Variants in FAM47E observed in about 807,000 individuals in gnomAD.
The protein encoded by FAM47E is family with sequence similarity 47 member E.
In FAM47E, 32 loss-of-function variants were observed where a neutral mutation model predicts 41.6. The observed-to-expected ratio is 0.77, with a 90% CI of 0.58 to 1.03. FAM47E has a LOEUF of 1.03. Among genes scored for constraint, FAM47E ranks in the 50% least tolerant of loss-of-function variants. The probability of loss-of-function intolerance (pLI) is 0.00; values close to 1 mark genes in which losing one functional copy is unlikely to be tolerated. For synonymous variants in FAM47E, 184 were observed against 188.7 expected (o/e 0.98, Z 0.20); for missense variants, 424 against 485.4 (o/e 0.87, Z 1.19).
chr4:76,263,959 GT>G, intron 3 of FAM47E, 116 bp downstream of exon 3: 1 of 1,423,572 alleles, frequency 7.0e-7, no homozygotes, highest in Non-Finnish European at 9.3e-7. Flanking sequence ...ATGTAACTAA[GT>G]TCCCAAGGAA....
At chr4:76,283,307 AGTGGTT>A in intron 7 of FAM47E, 68 bp from the exon 8 acceptor site, 1 of 781,182 alleles carries the variant, frequency 1.3e-6, no homozygotes, top group Non-Finnish European at 2.2e-6. Context: ...TAGATATGGT[AGTGGTT>A]GTGGGGAGGA....
At chr4:76,249,899 C>T (rs1211857269), upstream of FAM47E, among the ~76,000 whole-genome samples, 5 of 152,006 alleles carry the variant, frequency 3.3e-5, no homozygotes, top group Non-Finnish European at 5.9e-5. Context: ...GAATGTTATT[C>T]CATTATATAT....
intron 2 of FAM47E, among the ~76,000 whole-genome samples, chr4:76,243,813 T>C (rs986753141): frequency 6.6e-6 from 1 of 152,192 alleles, no homozygotes; most frequent in Non-Finnish European, 1.5e-5. Flanking sequence ...TACATAGGTA[T>C]ACATGTGCCA....
intron 3 of FAM47E, among the ~76,000 whole-genome samples, chr4:76,264,929 A>T (rs1734570399): frequency 6.6e-6 from 1 of 152,278 alleles, no homozygotes; most frequent in East Asian, 1.9e-4. Context: ...GACCTCACTG[A>T]TGGGTGCTGA....
intron 3 of FAM47E, 24 bp downstream of exon 3, chr4:76,263,867 G>A (rs1176368584): frequency 4.5e-6 from 7 of 1,547,364 alleles, no homozygotes; most frequent in African/African-American, 1.4e-5. Context: ...TTAACCCTTC[G>A]ATCATTGCTG....
At chr4:76,264,726 A>G (rs28649105) in intron 3 of FAM47E, among the ~76,000 whole-genome samples, 30,704 of 151,862 alleles carry the variant, frequency 0.2, 3,236 homozygotes, top group Middle Eastern at 0.3. Flanking sequence ...CTCCCATGTA[A>G]CTGGGACTGT....
At chr4:76,263,188 A>G (rs1285943375) in intron 2 of FAM47E, among the ~76,000 whole-genome samples, 4 of 152,190 alleles carry the variant, frequency 2.6e-5, no homozygotes, top group African/African-American at 9.6e-5. Flanking sequence ...GCGTTTATAC[A>G]TATCACTTTT....
At chr4:76,262,944 T>C (rs945097201) in intron 2 of FAM47E, among the ~76,000 whole-genome samples, 2 of 152,152 alleles carry the variant, frequency 1.3e-5, no homozygotes, top group Non-Finnish European at 2.9e-5. Context: ...AAAAATTTTT[T>C]AAATAGAAAC....
In FAM47E at chr4:76,271,561, C is replaced by T. The variant is rs1560750223; in HGVS notation, c.670-7C>T. The T allele has an allele frequency of 1.9e-6, 3 of 1,551,878 alleles. No homozygotes were observed. The highest frequency in any genetic ancestry group is 4.9e-5 in the East Asian group (2 of 40,928). On this transcript the variant is annotated splice_region_variant and splice_polypyrimidine_tract_variant and intron_variant, in intron 4 of 7. Transcript: ENST00000424749. ...CCCTCAATTCATGCAATGTGATATTCTTCCAGGGAATTTCGGACATCGATG... is the reference window on the plus strand; with the variant it reads ...CCCTCAATTCATGCAATGTGATATTTTTCCAGGGAATTTCGGACATCGATG...
At chr4:76,268,946 T>C (rs1324967489) in intron 4 of FAM47E, 178 bp downstream of exon 4, 2 of 705,906 alleles carry the variant, frequency 2.8e-6, no homozygotes, top group Non-Finnish European at 4.2e-6. Context: ...CTATTATGTA[T>C]AAATAGAAAT....
intron 1 of FAM47E, among the ~76,000 whole-genome samples, chr4:76,216,903 T>C (rs527995199): frequency 6.6e-6 from 1 of 152,330 alleles, no homozygotes; most frequent in South Asian, 2.1e-4. Context: ...CAGTCTGTGA[T>C]CCCACAGTAA....
At chr4:76,275,500 T>A (rs1735058140) in intron 5 of FAM47E, among the ~76,000 whole-genome samples, 1 of 152,210 alleles carries the variant, frequency 6.6e-6, no homozygotes, top group Non-Finnish European at 1.5e-5. Context: ...CCGACCACTA[T>A]GTGTCCAAAA....
chr4:76,252,273 A>G (rs1734000444), intron 1 of FAM47E, among the ~76,000 whole-genome samples: 1 of 152,064 alleles, frequency 6.6e-6, no homozygotes, highest in Non-Finnish European at 1.5e-5. Context: ...AGTGGAGCCC[A>G]GGGTTGGGGG....
At chr4:76,221,776 G>T (rs1733312719) in intron 2 of FAM47E, among the ~76,000 whole-genome samples, 1 of 152,214 alleles carries the variant, frequency 6.6e-6, no homozygotes, top group Admixed American at 6.5e-5. Flanking sequence ...TGGGTGAGGA[G>T]TATAGGTTGA....
chr4:76,242,426 C>T (rs139152038), intron 2 of FAM47E, among the ~76,000 whole-genome samples: 1 of 152,172 alleles, frequency 6.6e-6, no homozygotes, highest in Non-Finnish European at 1.5e-5. Flanking sequence ...GAAGTAGTTG[C>T]CATTACCATG....
At chr4:76,275,019 A>G (rs1158057945) in intron 5 of FAM47E, among the ~76,000 whole-genome samples, 3 of 152,156 alleles carry the variant, frequency 2.0e-5, no homozygotes, top group Admixed American at 6.5e-5. Flanking sequence ...AAGGATCACT[A>G]TCCTTGGTTA....
rs77362922 is a variant in FAM47E at position 76,255,691 on chromosome 4, C to T, written c.75-487C>T. Among the ~76,000 whole-genome samples, 63 of 152,144 alleles carry T rather than the reference C, an allele frequency of 4.1e-4. 1 individual carries two copies. In the South Asian group the frequency reaches 0.012, roughly 29 times the overall value. ...AACAACTTGAGTGTCCTTCACAAAG[C>T]GAATGGAGAGATGAAATGTGGTGGC... On this transcript the variant is annotated intron_variant, in intron 1 of 7. Transcript: ENST00000424749.
intron 2 of FAM47E, among the ~76,000 whole-genome samples, chr4:76,239,941 T>G (rs1043482397): frequency 6.6e-6 from 1 of 152,316 alleles, no homozygotes; most frequent in East Asian, 1.9e-4. Flanking sequence ...TGTATTCTTT[T>G]GTATGTGGCA....
intron 7 of FAM47E, chr4:76,282,741 C>A (rs186733355): frequency 6.6e-6 from 1 of 152,276 alleles, no homozygotes; most frequent in East Asian, 1.9e-4. Context: ...ACACCTGTCA[C>A]TCAAAACCCT....
Sources: gnomAD v4.1 joint callset for allele counts (sites outside exome capture counted in the v4.1 genomes callset) on GRCh38, gnomAD v4.1.1 for gene constraint, MANE v1.5 for transcripts, NCBI Gene and HGNC (gene_info 2026-07-23, HGNC 2026-07-21) for gene names.